The following THSD7B variants were observed in gnomAD, a reference collection of about 807,000 sequenced individuals.
THSD7B encodes the protein thrombospondin type 1 domain containing 7B.
Under a neutral mutation model 213.6 loss-of-function variants are expected in THSD7B, and 138 were observed. The observed-to-expected ratio is 0.65, with a 90% CI of 0.56 to 0.74. The LOEUF (loss-of-function observed/expected upper bound fraction) is 0.74, where lower values mean the gene tolerates loss of function less well. Among genes scored for constraint, THSD7B ranks in the 30% least tolerant of loss-of-function variants. The pLI, the probability that THSD7B is intolerant of heterozygous loss-of-function variation, is 0.00. For synonymous variants in THSD7B, 742 were observed against 687.0 expected, an observed-to-expected ratio of 1.08 and a Z score of -1.25; for missense variants, 1,931 against 1,991.5, an observed-to-expected ratio of 0.97 and a Z score of 0.58.
In THSD7B at chr2:136,960,454, C is replaced by T. The variant is rs145079109; in HGVS notation, c.139+78137C>T. Among the ~76,000 whole-genome samples the T allele has an allele frequency of 1.2e-3, 180 of 152,178 alleles. No homozygotes were observed. In the Middle Eastern group the frequency reaches 0.02, roughly 17 times the overall value. ...GTGCTTGGCCTGGAATGGTCTCTAACGTCTCTTCCCCATGTAAAGTTTCCA... is the reference window on the plus strand; with the variant it reads ...GTGCTTGGCCTGGAATGGTCTCTAATGTCTCTTCCCCATGTAAAGTTTCCA... On this transcript the variant is annotated intron_variant, in intron 2 of 27. Transcript: ENST00000409968.
chr2:137,023,851 T>C (rs1686492902), intron 2 of THSD7B, among the ~76,000 whole-genome samples: 1 of 152,058 alleles, frequency 6.6e-6, no homozygotes, highest in Admixed American at 6.5e-5. Context: ...TAATAAGAGA[T>C]TGGAAATAGG....
chr2:137,025,106 CGTTAGA>C (rs1337219943), intron 2 of THSD7B, among the ~76,000 whole-genome samples: 4 of 152,114 alleles, frequency 2.6e-5, no homozygotes, highest in Admixed American at 6.6e-5. Context: ...GAGAGTTCCC[CGTTAGA>C]GTTAAAGTCT....
At chr2:137,646,593 A>G (rs1271201145) in intron 21 of THSD7B, among the ~76,000 whole-genome samples, 2 of 149,876 alleles carry the variant, frequency 1.3e-5, no homozygotes, top group Non-Finnish European at 3.0e-5. Context: ...CGGAGGTTGG[A>G]GTGAGCTGAG....
At chr2:136,954,942 C>A (rs958821725) in intron 2 of THSD7B, among the ~76,000 whole-genome samples, 2 of 151,712 alleles carry the variant, frequency 1.3e-5, no homozygotes, top group African/African-American at 4.8e-5. Context: ...TGTAGTAATT[C>A]TTTGTGTATT....
At chr2:137,003,904 G>A (rs902197463) in intron 2 of THSD7B, among the ~76,000 whole-genome samples, 25 of 152,208 alleles carry the variant, frequency 1.6e-4, no homozygotes, top group African/African-American at 5.8e-4. Flanking sequence ...AGACTTTACC[G>A]CATTTTATTT....
intron 15 of THSD7B, among the ~76,000 whole-genome samples, chr2:137,529,953 G>C (rs934674811): frequency 6.6e-6 from 1 of 152,028 alleles, no homozygotes; most frequent in Non-Finnish European, 1.5e-5. Flanking sequence ...GAAAAATTAA[G>C]TGCAAAGGAG....
chr2:137,282,369 A>G (rs1206632999), intron 12 of THSD7B, among the ~76,000 whole-genome samples: 2 of 152,146 alleles, frequency 1.3e-5, no homozygotes, highest in African/African-American at 4.8e-5. Context: ...GTTCACTCTG[A>G]TGGTAGTTTC....
At chr2:137,303,703 T>TA (rs1683665812) in intron 12 of THSD7B, among the ~76,000 whole-genome samples, 2 of 138,300 alleles carry the variant, frequency 1.4e-5, no homozygotes, top group Non-Finnish European at 3.0e-5. Context: ...TTTATATATA[T>TA]TTATATATAT....
intron 12 of THSD7B, among the ~76,000 whole-genome samples, chr2:137,303,742 A>ATATATATATTTATATATATATTTT (rs1231701020): frequency 8.5e-6 from 1 of 117,570 alleles, no homozygotes; most frequent in East Asian, 2.1e-4. Context: ...ATATATATTT[A>ATATATATATTTATATATATATTTT]TATATATATA....
At chr2:137,114,547 TTATA>T (rs1688411141) in intron 4 of THSD7B, among the ~76,000 whole-genome samples, 1 of 152,204 alleles carries the variant, frequency 6.6e-6, no homozygotes, top group African/African-American at 2.4e-5. Flanking sequence ...TATTAATCAG[TTATA>T]TATAGTGGCA....
intron 15 of THSD7B, among the ~76,000 whole-genome samples, chr2:137,496,272 C>T (rs1391978531): frequency 6.6e-6 from 1 of 152,196 alleles, no homozygotes; most frequent in Non-Finnish European, 1.5e-5. Context: ...TTCCTAAGGT[C>T]TCCTACGGCC....
At chr2:137,407,577 A>G (rs1313369470) in intron 13 of THSD7B, among the ~76,000 whole-genome samples, 1 of 152,150 alleles carries the variant, frequency 6.6e-6, no homozygotes, top group Non-Finnish European at 1.5e-5. Context: ...GTTATCTCTA[A>G]GTAATTTGGT....
intron 15 of THSD7B, among the ~76,000 whole-genome samples, chr2:137,548,795 C>G (rs1680788046): frequency 1.3e-5 from 2 of 151,930 alleles, no homozygotes; most frequent in African/African-American, 4.8e-5. Flanking sequence ...CTTAATAGTC[C>G]AGCCATACAA....
chr2:137,396,155 C>G (rs1439673984), intron 12 of THSD7B, among the ~76,000 whole-genome samples: 1 of 145,132 alleles, frequency 6.9e-6, no homozygotes, highest in Admixed American at 6.9e-5. Flanking sequence ...TTTTGTGTCT[C>G]TATTTCCTTC....
rs11378111 is a variant in THSD7B, at chr2:136,954,714, C to CAAAA, written c.139+72414_139+72417dup. 4.1e-3 allele frequency among the ~76,000 whole-genome samples: 369 copies of CAAAA among 89,326 alleles called. 5 individuals carry two copies. The highest frequency in any genetic ancestry group is 0.019 in the African/African-American group (337 of 17,848). The allele number at this position is 89,326 out of a possible 152,430, so 58.6% of individuals were successfully genotyped here. On this transcript the variant is annotated intron_variant, in intron 2 of 27. Coordinates refer to ENST00000409968, the MANE Select transcript of THSD7B (RefSeq NM_001316349.2). ...CCTGGGTGACAGTGAGACTCTGTCT[C>CAAAA]AAAAAAAAAAAAAAAAAAAAGAAAT...
chr2:136,942,220 A>G (rs1449180504), intron 2 of THSD7B, among the ~76,000 whole-genome samples: 1 of 152,180 alleles, frequency 6.6e-6, no homozygotes, highest in Non-Finnish European at 1.5e-5. Context: ...CTGTTTTGGT[A>G]CCAGTACCAT....
intron 15 of THSD7B, among the ~76,000 whole-genome samples, chr2:137,540,016 A>C (rs1159127581): frequency 2.6e-5 from 4 of 151,726 alleles, no homozygotes; most frequent in Admixed American, 1.3e-4. Context: ...AAACTAAAAA[A>C]CTAAAATCTT....
At chr2:137,224,922 TA>T (rs1359191099) in intron 7 of THSD7B, among the ~76,000 whole-genome samples, 2 of 152,254 alleles carry the variant, frequency 1.3e-5, no homozygotes, top group Admixed American at 1.3e-4. Context: ...TATTTGGAAA[TA>T]TTTTTTTCTT....
intron 2 of THSD7B, among the ~76,000 whole-genome samples, chr2:136,944,712 CTTTT>C (rs146788302): frequency 1.0e-4 from 13 of 127,794 alleles, no homozygotes; most frequent in African/African-American, 2.9e-4. Flanking sequence ...GCAACCCCTG[CTTTT>C]TTTTTTTTTT....
Sources: gnomAD v4.1 joint callset for allele counts (sites outside exome capture counted in the v4.1 genomes callset) on GRCh38, gnomAD v4.1.1 for gene constraint, MANE v1.5 for transcripts, NCBI Gene and HGNC (gene_info 2026-07-23, HGNC 2026-07-21) for gene names.